DLG2: variants seen among roughly 807,000 people sequenced by gnomAD.
DLG2 encodes the protein discs large MAGUK scaffold protein 2, also known as disks large homolog 2.
DLG2 carries 45 observed loss-of-function variants against 132.5 expected under a neutral mutation model. That is an observed-to-expected ratio of 0.34 (90% CI 0.27 to 0.44). The LOEUF (loss-of-function observed/expected upper bound fraction) is 0.44, where lower values mean the gene tolerates loss of function less well. Among genes scored for constraint, DLG2 ranks in the 20% least tolerant of loss-of-function variants. DLG2 has a pLI of 1.00. For synonymous variants in DLG2, 424 were observed against 419.6 expected (o/e 1.01, Z -0.13); for missense variants, 1,045 against 1,196.9 (o/e 0.87, Z 1.87).
At chr11:83,527,863 T>G (rs1309678400) in intron 21 of DLG2, among the ~76,000 whole-genome samples, 2 of 152,188 alleles carry the variant, frequency 1.3e-5, no homozygotes, top group Non-Finnish European at 2.9e-5. Context: ...GATTTTTCAG[T>G]GCAGAACAGC....
At chr11:84,446,134 T>G (rs2099034066) in intron 7 of DLG2, among the ~76,000 whole-genome samples, 1 of 152,044 alleles carries the variant, frequency 6.6e-6, no homozygotes, top group Non-Finnish European at 1.5e-5. Context: ...TTCTAATTTC[T>G]ATTTTTACCT....
At chr11:84,757,126 C>T (rs2066989558) in intron 6 of DLG2, among the ~76,000 whole-genome samples, 1 of 152,110 alleles carries the variant, frequency 6.6e-6, no homozygotes, top group South Asian at 2.1e-4. Flanking sequence ...TTGTGTTTAG[C>T]AGGAATGAGC....
intron 6 of DLG2, among the ~76,000 whole-genome samples, chr11:84,755,267 A>G (rs2066706167): frequency 6.6e-6 from 1 of 152,186 alleles, no homozygotes; most frequent in South Asian, 2.1e-4. Context: ...GTACCAATAA[A>G]TTTTTGTAGA....
At chr11:83,916,950 G>A (rs1039517428) in intron 15 of DLG2, among the ~76,000 whole-genome samples, 2 of 152,074 alleles carry the variant, frequency 1.3e-5, no homozygotes, top group Non-Finnish European at 1.5e-5. Context: ...TCTTGATTTT[G>A]CTGGAGTTAT....
chr11:84,066,038 A>G (rs1253935934), intron 10 of DLG2, among the ~76,000 whole-genome samples: 1 of 152,144 alleles, frequency 6.6e-6, no homozygotes, highest in Non-Finnish European at 1.5e-5. Context: ...GGACACAAAG[A>G]GGGGAACAAC....
intron 3 of DLG2, among the ~76,000 whole-genome samples, chr11:85,475,492 A>G (rs1351878192): frequency 6.6e-6 from 1 of 152,052 alleles, no homozygotes; most frequent in East Asian, 1.9e-4. Context: ...GTAATTTTTA[A>G]TTATACCACA....
intron 6 of DLG2, among the ~76,000 whole-genome samples, chr11:84,639,543 G>C (rs970759240): frequency 6.6e-6 from 1 of 152,074 alleles, no homozygotes; most frequent in East Asian, 1.9e-4. Flanking sequence ...AGGAACACTA[G>C]ACCATTTACT....
intron 6 of DLG2, among the ~76,000 whole-genome samples, chr11:84,702,838 C>T (rs779322474): frequency 1.1e-4 from 16 of 151,656 alleles, no homozygotes; most frequent in Non-Finnish European, 2.1e-4. Flanking sequence ...CATCTATTTT[C>T]TTCATCATTG....
At chr11:84,149,488 G>C (rs1160019896) in intron 9 of DLG2, among the ~76,000 whole-genome samples, 1 of 152,042 alleles carries the variant, frequency 6.6e-6, no homozygotes. Flanking sequence ...TTTCCCTACT[G>C]CTTATTTTTG....
intron 6 of DLG2, among the ~76,000 whole-genome samples, chr11:85,030,336 G>A (rs2060903214): frequency 6.6e-6 from 1 of 152,116 alleles, no homozygotes; most frequent in Non-Finnish European, 1.5e-5. Flanking sequence ...TTATCCAGCT[G>A]ACTCACTAAT....
At chr11:84,104,213 G>A (rs1440934347) in intron 9 of DLG2, among the ~76,000 whole-genome samples, 1 of 151,988 alleles carries the variant, frequency 6.6e-6, no homozygotes. Context: ...AGAAAATGTG[G>A]TACATATATA....
At chr11:84,514,445 G>T (rs916021016) in intron 7 of DLG2, among the ~76,000 whole-genome samples, 1 of 152,050 alleles carries the variant, frequency 6.6e-6, no homozygotes, top group Admixed American at 6.6e-5. Flanking sequence ...CAACCTAAGT[G>T]TCCATCAACA....
At chr11:85,085,112 C>T (rs908744182) in intron 6 of DLG2, among the ~76,000 whole-genome samples, 6 of 152,070 alleles carry the variant, frequency 3.9e-5, no homozygotes, top group Non-Finnish European at 4.4e-5. Context: ...TTTCTTAAGA[C>T]ACTGCAATAG....
intron 18 of DLG2, among the ~76,000 whole-genome samples, chr11:83,680,614 C>T (rs1275832880): frequency 6.6e-6 from 1 of 152,110 alleles, no homozygotes; most frequent in Non-Finnish European, 1.5e-5. Flanking sequence ...CCCCTAAGTG[C>T]CAACCACAAT....
At chr11:83,645,487 C>T (rs2153498508) in intron 18 of DLG2, among the ~76,000 whole-genome samples, 1 of 152,166 alleles carries the variant, frequency 6.6e-6, no homozygotes, top group East Asian at 1.9e-4. Flanking sequence ...ATTCTATCCT[C>T]CAGACTCAGG....
intron 7 of DLG2, among the ~76,000 whole-genome samples, chr11:84,341,430 A>G (rs1030803726): frequency 6.6e-6 from 1 of 152,188 alleles, no homozygotes; most frequent in South Asian, 2.1e-4. Context: ...GGCATTGTTT[A>G]CATAAACCAG....
At chr11:84,217,501 T>A (rs2154319608) in intron 8 of DLG2, among the ~76,000 whole-genome samples, 1 of 152,328 alleles carries the variant, frequency 6.6e-6, no homozygotes, top group Middle Eastern at 3.4e-3. Flanking sequence ...TGTGAGTCCA[T>A]TAAACCTCTT....
chr11:84,024,149 G>C (rs1199290516), intron 11 of DLG2, among the ~76,000 whole-genome samples: 2 of 152,088 alleles, frequency 1.3e-5, no homozygotes, highest in African/African-American at 4.8e-5. Context: ...AACAATACAT[G>C]CTTTCCTGCA....
chr11:85,619,254 T>A (rs966830864), intron 2 of DLG2, among the ~76,000 whole-genome samples: 1 of 152,176 alleles, frequency 6.6e-6, no homozygotes. Context: ...CACAGCTCAC[T>A]GCAGTCTCAA....
Sources: allele counts gnomAD v4.1 joint callset (sites outside exome capture counted in the v4.1 genomes callset), GRCh38; gene constraint gnomAD v4.1.1; transcripts MANE v1.5; gene names NCBI Gene and HGNC (gene_info 2026-07-23, HGNC 2026-07-21).